Variants in ZNRF1 observed in about 807,000 individuals in gnomAD.
ZNRF1 encodes the protein zinc and ring finger 1.
ZNRF1 carries 3 observed loss-of-function variants against 18.4 expected under a neutral mutation model. The observed-to-expected ratio is 0.16, with a 90% confidence interval of 0.07 to 0.42. ZNRF1 has a LOEUF of 0.42. Ranked by LOEUF, ZNRF1 falls within the 10% of genes least tolerant of loss-of-function variation. The pLI is 0.99. For synonymous variants in ZNRF1, 157 were observed against 144.2 expected (o/e 1.09, Z -0.64); for missense variants, 310 against 329.8 (o/e 0.94, Z 0.47).
At chr16:75,077,193 C>G (rs947241368) in intron 1 of ZNRF1, among the ~76,000 whole-genome samples, 1 of 152,140 alleles carries the variant, frequency 6.6e-6, no homozygotes, top group African/African-American at 2.4e-5. Flanking sequence ...GAGATCGAGA[C>G]CGTCCTGGCC....
chr16:75,103,463 C>CA (rs2036275389), intron 2 of ZNRF1, among the ~76,000 whole-genome samples: 1 of 151,938 alleles, frequency 6.6e-6, no homozygotes, highest in South Asian at 2.1e-4. Flanking sequence ...CTAAAATACT[C>CA]AAACTCATAG....
intron 1 of ZNRF1, among the ~76,000 whole-genome samples, chr16:75,028,332 C>T (rs191461991): frequency 1.2e-4 from 18 of 152,308 alleles, no homozygotes; most frequent in African/African-American, 3.6e-4. Flanking sequence ...TTTCACTCGA[C>T]GCCCAGGCTA....
chr16:75,079,546 C>T (rs2035984878), intron 1 of ZNRF1, among the ~76,000 whole-genome samples: 1 of 152,132 alleles, frequency 6.6e-6, no homozygotes, highest in South Asian at 2.1e-4. Context: ...AGAGTCTTTG[C>T]ATGTCTTTCT....
At chr16:75,095,756 G>A (rs955749158) in intron 2 of ZNRF1, 2 of 1,517,022 alleles carry the variant, frequency 1.3e-6, no homozygotes, top group Middle Eastern at 2.0e-4. Context: ...GGAAGGTGAG[G>A]CTGTCCAGCT....
intron 2 of ZNRF1, among the ~76,000 whole-genome samples, chr16:75,098,884 C>T (rs1229200646): frequency 6.6e-6 from 1 of 152,130 alleles, no homozygotes; most frequent in South Asian, 2.1e-4. Flanking sequence ...CTCCATACTT[C>T]TAGCAGTTCC....
At chr16:75,063,577 C>T (rs566434128) in intron 1 of ZNRF1, among the ~76,000 whole-genome samples, 1 of 152,306 alleles carries the variant, frequency 6.6e-6, no homozygotes, top group Admixed American at 6.5e-5. Context: ...GCCTAAAGAC[C>T]TTGATCTACT....
intron 1 of ZNRF1, among the ~76,000 whole-genome samples, chr16:75,042,488 G>A (rs2035462551): frequency 7.5e-6 from 1 of 133,114 alleles, no homozygotes; most frequent in Non-Finnish European, 1.6e-5. Context: ...TCTAGTTGTA[G>A]CAACATCATT....
chr16:75,040,621 T>C (rs2145361310), intron 1 of ZNRF1, among the ~76,000 whole-genome samples: 1 of 145,462 alleles, frequency 6.9e-6, no homozygotes, highest in East Asian at 2.0e-4. Context: ...TTTTTTTTTT[T>C]TTGAGACAGA....
intron 1 of ZNRF1, among the ~76,000 whole-genome samples, chr16:75,008,884 C>T (rs1006189379): frequency 6.6e-6 from 1 of 152,100 alleles, no homozygotes; most frequent in African/African-American, 2.4e-5. Flanking sequence ...TTCCAAAGCC[C>T]TATTTCTGGG....
At chr16:75,017,861 A>G (rs901180579) in intron 1 of ZNRF1, among the ~76,000 whole-genome samples, 1 of 152,144 alleles carries the variant, frequency 6.6e-6, no homozygotes, top group African/African-American at 2.4e-5. Flanking sequence ...AGATGCCTTT[A>G]TTGGAGGAAT....
chr16:75,007,523 A>G (rs1209746641), intron 1 of ZNRF1, among the ~76,000 whole-genome samples: 2 of 152,014 alleles, frequency 1.3e-5, no homozygotes, highest in Non-Finnish European at 2.9e-5. Context: ...TAGGGGAGGC[A>G]TGATAAGAAT....
chr16:75,010,288 T>G (rs1248818296), intron 1 of ZNRF1, among the ~76,000 whole-genome samples: 4 of 152,172 alleles, frequency 2.6e-5, no homozygotes, highest in Non-Finnish European at 5.9e-5. Flanking sequence ...CGGCCTGGGT[T>G]GCTTTTTTCT....
rs60869682 is a variant in ZNRF1 at position 75,078,407 on chromosome 16, T to C, written c.425-15165T>C. Among the ~76,000 whole-genome samples the C allele has an allele frequency of 4.5e-4, 68 of 149,918 alleles. 1 individual carries two copies. In the East Asian group the frequency reaches 0.013, roughly 30 times the overall value. ...TCCGCCCCCCAGGTTCAAGTGATTC[T>C]CCTGCCTCAGCCTCCCGAATAGCTG... On this transcript the variant is annotated intron_variant, in intron 1 of 4. Transcript: ENST00000335325.
At chr16:75,010,718 TG>T (rs66466431) in intron 1 of ZNRF1, among the ~76,000 whole-genome samples, 53,015 of 115,098 alleles carry the variant, frequency 0.46, 13,145 homozygotes, top group Middle Eastern at 0.62. Flanking sequence ...TTTGTTTTTT[TG>T]TTTTTTTTTT....
chr16:75,034,919 G>A (rs966082959), intron 1 of ZNRF1, among the ~76,000 whole-genome samples: 16 of 151,760 alleles, frequency 1.1e-4, no homozygotes, highest in African/African-American at 3.1e-4. Context: ...GAGCCACTGC[G>A]TCCAGTTGGC....
intron 1 of ZNRF1, among the ~76,000 whole-genome samples, chr16:75,040,808 A>C (rs2145361587): frequency 6.6e-6 from 1 of 151,520 alleles, no homozygotes. Context: ...GGGTTTCATC[A>C]CGTTGGCCAG....
intron 1 of ZNRF1, among the ~76,000 whole-genome samples, chr16:75,010,711 G>GTTTTTGTTTTT (rs2034986440): frequency 7.3e-4 from 54 of 74,308 alleles, no homozygotes; most frequent in Non-Finnish European, 1.3e-3. Context: ...GTTTTTTTTT[G>GTTTTTGTTTTT]TTTTTTTGTT....
intron 1 of ZNRF1, among the ~76,000 whole-genome samples, chr16:75,028,963 C>T (rs1032759920): frequency 6.6e-6 from 1 of 152,174 alleles, no homozygotes; most frequent in South Asian, 2.1e-4. Context: ...GGCACGAAGG[C>T]TTAGTCCTTG....
intron 1 of ZNRF1, among the ~76,000 whole-genome samples, chr16:75,060,032 C>A (rs1308126121): frequency 6.6e-6 from 1 of 152,006 alleles, no homozygotes; most frequent in Non-Finnish European, 1.5e-5. Context: ...CTTGCCGTTA[C>A]AAACCAAGGT....
Sources: gnomAD v4.1 joint callset for allele counts (sites outside exome capture counted in the v4.1 genomes callset) on GRCh38, gnomAD v4.1.1 for gene constraint, MANE v1.5 for transcripts, NCBI Gene and HGNC (gene_info 2026-07-23, HGNC 2026-07-21) for gene names.